Variants in JPH3 observed in about 807,000 individuals in gnomAD.
JPH3 encodes junctophilin 3, also known as junctophilin-3.
In JPH3, 11 loss-of-function variants were observed where a neutral mutation model predicts 59.6. That is an observed-to-expected ratio of 0.18 (90% CI 0.12 to 0.31). JPH3 has a LOEUF of 0.31. Ranked by LOEUF, JPH3 falls within the 10% of genes least tolerant of loss-of-function variation. The probability of loss-of-function intolerance (pLI) is 1.00; values close to 1 mark genes in which losing one functional copy is unlikely to be tolerated. For synonymous variants in JPH3, 673 were observed against 483.6 expected, an observed-to-expected ratio of 1.39 and a Z score of -5.14; for missense variants, 1,202 against 1,105.7, an observed-to-expected ratio of 1.09 and a Z score of -1.24.
intron 2 of JPH3, among the ~76,000 whole-genome samples, chr16:87,680,282 T>C (rs2033253829): frequency 6.6e-6 from 1 of 152,118 alleles, no homozygotes; most frequent in African/African-American, 2.4e-5. Context: ...TGGCTGGAGC[T>C]GAAGGTCCGA....
chr16:87,672,719 A>C (rs1241308721), intron 2 of JPH3, among the ~76,000 whole-genome samples: 1 of 152,244 alleles, frequency 6.6e-6, no homozygotes, highest in Non-Finnish European at 1.5e-5. Flanking sequence ...TTAGTTGATA[A>C]AAGTGGCATC....
intron 1 of JPH3, among the ~76,000 whole-genome samples, chr16:87,642,867 C>T (rs1041137509): frequency 1.2e-4 from 18 of 152,200 alleles, no homozygotes; most frequent in African/African-American, 3.9e-4. Context: ...GTCTGCTGAC[C>T]GGGTTTCCTT....
intron 2 of JPH3, among the ~76,000 whole-genome samples, chr16:87,664,027 CAG>C (rs1443131220): frequency 3.3e-5 from 5 of 152,254 alleles, no homozygotes; most frequent in African/African-American, 4.8e-5. Context: ...CTGAAGTACT[CAG>C]GGGTTAAAAA....
At chr16:87,680,244 G>A (rs2033253122) in intron 2 of JPH3, among the ~76,000 whole-genome samples, 1 of 152,252 alleles carries the variant, frequency 6.6e-6, no homozygotes, top group Admixed American at 6.5e-5. Flanking sequence ...TTGCTCCAGT[G>A]ATCCCTGAGC....
In JPH3 at chr16:87,695,302, C is replaced by CT. The variant is rs1429171306; in HGVS notation, c.2167-1276dup. On this transcript the variant is annotated intron_variant, in intron 4 of 4. Coordinates refer to ENST00000284262, the MANE Select transcript of JPH3 (RefSeq NM_020655.4). ...TTTGACCAGAGGCCAGACTTGGGGGCTTAAAGGAGTCCATGGAAAACCAGT... is the reference window on the plus strand; with the variant it reads ...TTTGACCAGAGGCCAGACTTGGGGGCTTTAAAGGAGTCCATGGAAAACCAGT... The CT allele has an allele frequency of 2.0e-5, 9 of 456,034 alleles. No individual in the cohort carries two copies. The Admixed American group carries it at 2.1e-4, about 11-fold the overall frequency. The allele number at this position is 456,034 out of a possible 1,614,324, so 28.2% of individuals were successfully genotyped here.
At chr16:87,623,727 C>G (rs1357367474) in intron 1 of JPH3, among the ~76,000 whole-genome samples, 1 of 152,146 alleles carries the variant, frequency 6.6e-6, no homozygotes, top group African/African-American at 2.4e-5. Context: ...GGTCCTGGCC[C>G]GAACACTCCC....
chr16:87,618,489 G>A lies in JPH3; in HGVS notation c.382+14961G>A, dbSNP rs111805680. 1.3e-3 allele frequency among the ~76,000 whole-genome samples: 194 copies of A among 152,260 alleles called. 1 individual carries two copies. The highest frequency in any genetic ancestry group is 4.2e-3 in the African/African-American group (175 of 41,586). On this transcript the variant is annotated intron_variant, in intron 1 of 4. Coordinates refer to ENST00000284262, the MANE Select transcript of JPH3 (RefSeq NM_020655.4). ...CCTACAGCCCCGAGAGGCCAGGTACGTCCATGTGTCGTGCCCATTTTACAG... is the reference window on the plus strand; with the variant it reads ...CCTACAGCCCCGAGAGGCCAGGTACATCCATGTGTCGTGCCCATTTTACAG...
intron 1 of JPH3, 86 bp from the exon 2 acceptor site, chr16:87,644,172 C>A: frequency 2.9e-6 from 4 of 1,361,444 alleles, no homozygotes; most frequent in Non-Finnish European, 4.0e-6. Flanking sequence ...TCAGACAGGA[C>A]TGTGGCTGCT....
intron 2 of JPH3, among the ~76,000 whole-genome samples, chr16:87,665,587 T>C (rs2032836120): frequency 6.6e-6 from 1 of 152,130 alleles, no homozygotes; most frequent in East Asian, 1.9e-4. Flanking sequence ...GGCGTGGCGC[T>C]CCCAGCCCCA....
At chr16:87,620,647 C>T (rs894824562) in intron 1 of JPH3, among the ~76,000 whole-genome samples, 2 of 152,168 alleles carry the variant, frequency 1.3e-5, no homozygotes, top group Non-Finnish European at 2.9e-5. Context: ...CCTGCGTTTA[C>T]ACCACAGCTC....
rs1021910675 is a variant in JPH3, at chr16:87,611,111, A to G, written c.382+7583A>G. Among the ~76,000 whole-genome samples the G allele has an allele frequency of 6.6e-6, 1 of 152,240 alleles. No homozygotes were observed. Among genetic ancestry groups the G allele is most frequent in the African/African-American group, 2.4e-5 (1 of 41,464 alleles). On this transcript the variant is annotated intron_variant, in intron 1 of 4. Transcript: ENST00000284262. The surrounding 1 kb of genome is among the most constrained non-coding windows in gnomAD (Gnocchi z 4.5). ...AGTTTGTGGTAACGTGGAAGATTGG[A>G]AAAAAAGAAACAAACACATAAAAAT...
intron 2 of JPH3, among the ~76,000 whole-genome samples, chr16:87,651,481 A>G (rs1474595672): frequency 6.6e-6 from 1 of 152,246 alleles, no homozygotes; most frequent in Admixed American, 6.5e-5. Flanking sequence ...TCTAGATCCC[A>G]TTAAGAACAT....
At chr16:87,631,548 T>TTC (rs1277558486) in intron 1 of JPH3, among the ~76,000 whole-genome samples, 1 of 152,172 alleles carries the variant, frequency 6.6e-6, no homozygotes, top group East Asian at 1.9e-4. Context: ...AGTTCTGAAT[T>TTC]TCATGCCACT....
chr16:87,682,528 C>G (rs1224467809), intron 2 of JPH3, among the ~76,000 whole-genome samples: 2 of 152,172 alleles, frequency 1.3e-5, no homozygotes, highest in Non-Finnish European at 2.9e-5. Context: ...CTCGCTTCTT[C>G]TACCATGTGA....
intron 4 of JPH3, among the ~76,000 whole-genome samples, chr16:87,692,940 G>A (rs8056235): frequency 0.13 from 19,160 of 152,260 alleles, 1,394 homozygotes; most frequent in Middle Eastern, 0.19. Flanking sequence ...AGGCTGACTA[G>A]CATCCGGCCC....
At chr16:87,633,195 G>T (rs911390479) in intron 1 of JPH3, among the ~76,000 whole-genome samples, 2 of 152,146 alleles carry the variant, frequency 1.3e-5, no homozygotes, top group Non-Finnish European at 2.9e-5. Flanking sequence ...GGTGCTGGGA[G>T]AGTTGATTGT....
chr16:87,640,358 C>T (rs764640643), intron 1 of JPH3, among the ~76,000 whole-genome samples: 7 of 151,592 alleles, frequency 4.6e-5, no homozygotes, highest in Non-Finnish European at 7.4e-5. Context: ...GTTACCTGTG[C>T]ATGCCAGGTA....
intron 2 of JPH3, among the ~76,000 whole-genome samples, chr16:87,647,813 A>G (rs1272188544): frequency 6.6e-6 from 1 of 152,218 alleles, no homozygotes. Context: ...TCTCCAGGTC[A>G]CTGGAACTTA....
intron 4 of JPH3, chr16:87,695,356 C>T (rs2033782731): frequency 2.2e-6 from 1 of 456,112 alleles, no homozygotes; most frequent in South Asian, 1.5e-5. Context: ...AGGAGAGTAG[C>T]CATCCCTGAG....
Sources: gnomAD v4.1 joint callset for allele counts (sites outside exome capture counted in the v4.1 genomes callset) on GRCh38, gnomAD v4.1.1 for gene constraint, Gnocchi (gnomAD v3.1) non-coding constraint, MANE v1.5 for transcripts, NCBI Gene and HGNC (gene_info 2026-07-23, HGNC 2026-07-21) for gene names.